Variants in IKZF2 observed in about 807,000 individuals in gnomAD.
IKZF2 encodes zinc finger protein Helios.
Under a neutral mutation model 49.2 loss-of-function variants are expected in IKZF2, and 15 were observed. The ratio of observed to expected loss-of-function variants is 0.30; its 90% confidence interval spans 0.20 to 0.47. IKZF2 has a LOEUF of 0.47. Ranked by LOEUF, IKZF2 falls within the 20% of genes least tolerant of loss-of-function variation. IKZF2 has a pLI of 1.00. For missense variants in IKZF2, 567 were observed against 664.6 expected (o/e 0.85, Z 1.61); for synonymous variants, 227 against 221.4 (o/e 1.03, Z -0.23).
At chr2:213,091,925 T>C (rs1228288083) in intron 4 of IKZF2, among the ~76,000 whole-genome samples, 1 of 151,816 alleles carries the variant, frequency 6.6e-6, no homozygotes, top group African/African-American at 2.4e-5. Context: ...TATGTGTGTG[T>C]GTACTCATAC....
intron 4 of IKZF2, among the ~76,000 whole-genome samples, chr2:213,083,407 TGAGAC>T (rs1704194479): frequency 7.5e-6 from 1 of 134,026 alleles, no homozygotes; most frequent in African/African-American, 2.6e-5. Context: ...TTTTTTTTTT[TGAGAC>T]GGAGTTTCGC....
chr2:213,014,592 G>A (rs2125060256), intron 7 of IKZF2: 1 of 152,100 alleles, frequency 6.6e-6, no homozygotes, highest in East Asian at 1.9e-4. Context: ...TTTCTAAATT[G>A]GCACATTGGC....
chr2:213,082,805 G>A (rs1704091671), intron 4 of IKZF2, among the ~76,000 whole-genome samples: 1 of 152,116 alleles, frequency 6.6e-6, no homozygotes, highest in South Asian at 2.1e-4. Flanking sequence ...CAATTTTTTT[G>A]GATGGGGTTT....
At chr2:213,138,063 C>T (rs2060739276) in intron 4 of IKZF2, among the ~76,000 whole-genome samples, 1 of 152,084 alleles carries the variant, frequency 6.6e-6, no homozygotes, top group African/African-American at 2.4e-5. Context: ...TAATTATACA[C>T]TCATCAAAAT....
chr2:213,107,779 C>G (rs2059580028), intron 4 of IKZF2, among the ~76,000 whole-genome samples: 1 of 152,140 alleles, frequency 6.6e-6, no homozygotes, highest in Non-Finnish European at 1.5e-5. Flanking sequence ...TTAGGCCCTT[C>G]TTGACAACAT....
intron 4 of IKZF2, among the ~76,000 whole-genome samples, chr2:213,061,718 T>C (rs988985449): frequency 6.6e-6 from 1 of 151,444 alleles, no homozygotes; most frequent in Admixed American, 6.6e-5. Flanking sequence ...TCAATAATAA[T>C]AGTAAAGGTT....
intron 4 of IKZF2, among the ~76,000 whole-genome samples, chr2:213,060,804 A>C (rs1701609191): frequency 6.6e-6 from 1 of 151,622 alleles, no homozygotes; most frequent in South Asian, 2.1e-4. Context: ...TCTATTTAGC[A>C]TTTATATTTA....
chr2:213,142,231 CT>C (rs1173928176), intron 4 of IKZF2, among the ~76,000 whole-genome samples: 2 of 151,954 alleles, frequency 1.3e-5, no homozygotes, highest in Admixed American at 1.3e-4. Flanking sequence ...CGCCACCCCC[CT>C]CCCCAATTCT....
chr2:213,017,970 C>T (rs547394042), intron 7 of IKZF2, among the ~76,000 whole-genome samples: 9 of 152,134 alleles, frequency 5.9e-5, no homozygotes, highest in South Asian at 4.1e-4. Context: ...GTCAAAAAAG[C>T]TTATTCCAAA....
At chr2:213,031,998 G>A (rs1698483843) in intron 6 of IKZF2, among the ~76,000 whole-genome samples, 1 of 152,088 alleles carries the variant, frequency 6.6e-6, no homozygotes, top group Admixed American at 6.6e-5. Flanking sequence ...GATGAATTTA[G>A]GAAAAAGAGC....
chr2:213,047,736 A>C (rs1700292661), intron 6 of IKZF2, among the ~76,000 whole-genome samples: 1 of 152,144 alleles, frequency 6.6e-6, no homozygotes, highest in Non-Finnish European at 1.5e-5. Flanking sequence ...GAGGACAAGA[A>C]GAACTATGCT....
chr2:213,044,071 T>C (rs1574606111), intron 6 of IKZF2, among the ~76,000 whole-genome samples: 1 of 152,316 alleles, frequency 6.6e-6, no homozygotes, highest in East Asian at 1.9e-4. Flanking sequence ...GTTTAGTCAA[T>C]GTGAGGCACC....
chr2:213,000,083 T>G lies in IKZF2; in HGVS notation c.*7277A>C, dbSNP rs1241368037. 1 of 151,908 alleles carries G rather than the reference T, an allele frequency of 6.6e-6. No homozygotes were observed. The highest frequency in any genetic ancestry group is 1.5e-5 in the Non-Finnish European group (1 of 67,648). 9.4% of individuals were successfully genotyped at this position (151,908 alleles called of 1,614,324 possible). A position where few individuals can be genotyped will look rare whatever the true frequency, so the allele number is the denominator to read the frequency against. On this transcript the variant is annotated 3_prime_UTR_variant, in exon 9 of 9. Coordinates refer to ENST00000434687, the MANE Select transcript of IKZF2 (RefSeq NM_001387220.1). The stretch of plus-strand genomic sequence containing the variant: ...GTGATAAAACTATTTAGCGGAGGTC[T>G]CCAAATCAGTATGTAGTAGAGTGAC...
intron 6 of IKZF2, among the ~76,000 whole-genome samples, chr2:213,023,665 T>C (rs922028312): frequency 6.6e-6 from 1 of 152,228 alleles, no homozygotes; most frequent in African/African-American, 2.4e-5. Context: ...AGTATCTGTT[T>C]ACTATTAGCA....
At chr2:213,135,668 G>A (rs377372143) in intron 4 of IKZF2, among the ~76,000 whole-genome samples, 1 of 147,824 alleles carries the variant, frequency 6.8e-6, no homozygotes, top group Admixed American at 6.8e-5. Flanking sequence ...CTGAACAACA[G>A]AACAAGACCC....
intron 4 of IKZF2, among the ~76,000 whole-genome samples, chr2:213,089,145 G>A (rs777558769): frequency 5.9e-5 from 9 of 152,114 alleles, no homozygotes; most frequent in Non-Finnish European, 1.0e-4. Flanking sequence ...GTCAGTAAGT[G>A]ACATCACTAT....
At chr2:213,113,970 ACTC>A (rs2059794003) in intron 4 of IKZF2, among the ~76,000 whole-genome samples, 1 of 152,030 alleles carries the variant, frequency 6.6e-6, no homozygotes, top group Non-Finnish European at 1.5e-5. Context: ...GCAATCCCAA[ACTC>A]CTCCTAATAT....
intron 6 of IKZF2, among the ~76,000 whole-genome samples, chr2:213,032,720 C>A: frequency 6.6e-6 from 1 of 152,194 alleles, no homozygotes; most frequent in South Asian, 2.1e-4. Context: ...CACTGCACTG[C>A]ACATACATAC....
chr2:213,075,129 T>C (rs1325777129), intron 4 of IKZF2, among the ~76,000 whole-genome samples: 1 of 152,190 alleles, frequency 6.6e-6, no homozygotes, highest in African/African-American at 2.4e-5. Flanking sequence ...AGTTTTGTTC[T>C]GTTCTGCTGG....
Sources: allele counts gnomAD v4.1 joint callset (sites outside exome capture counted in the v4.1 genomes callset), GRCh38; gene constraint gnomAD v4.1.1; transcripts MANE v1.5; gene names NCBI Gene and HGNC (gene_info 2026-07-23, HGNC 2026-07-21).